The following KLHDC10 variants were observed in gnomAD, a reference collection of about 807,000 sequenced individuals.
KLHDC10 encodes kelch domain containing 10.
A neutral mutation model predicts 56.1 loss-of-function variants in KLHDC10; 24 were observed. The observed-to-expected ratio is 0.43, with a 90% confidence interval of 0.31 to 0.60. The LOEUF (loss-of-function observed/expected upper bound fraction) is 0.60, where lower values mean the gene tolerates loss of function less well. KLHDC10 is among the 20% of genes least tolerant of loss of function. KLHDC10 has a pLI of 0.11. For missense variants in KLHDC10, 349 were observed against 567.0 expected, an observed-to-expected ratio of 0.62 and a Z score of 3.91; for synonymous variants, 188 against 207.1, an observed-to-expected ratio of 0.91 and a Z score of 0.79.
rs555517415 is a variant in KLHDC10 at position 130,130,133 on chromosome 7, G to T, written c.1120-404G>T. Reference sequence around the variant, plus strand: ...AGATTGAGACCATCCTGGCTAACACGGATGAAACCCCATCTCTACTAAAAA... The same window carrying T: ...AGATTGAGACCATCCTGGCTAACACTGATGAAACCCCATCTCTACTAAAAA... On this transcript the variant is annotated intron_variant, in intron 9 of 9. Transcript: ENST00000335420. This position sits in a 1 kb window ranked among gnomAD's most constrained non-coding sequence, Gnocchi z 4.2. Among the ~76,000 whole-genome samples, 11 of 151,684 alleles carry T rather than the reference G, an allele frequency of 7.3e-5. No individual in the cohort carries two copies. Among genetic ancestry groups the T allele is most frequent in the Non-Finnish European group, 1.5e-4 (10 of 67,910 alleles).
At chr7:130,128,186 A>G (rs1182738832) in intron 8 of KLHDC10, among the ~76,000 whole-genome samples, 1 of 152,246 alleles carries the variant, frequency 6.6e-6, no homozygotes, top group Non-Finnish European at 1.5e-5. Flanking sequence ...AGATTTATAG[A>G]TAATGACATT....
chr7:130,116,785 G>A lies in KLHDC10; in HGVS notation c.475+119G>A. On this transcript the variant is annotated intron_variant, in intron 3 of 9. Coordinates refer to ENST00000335420, the MANE Select transcript of KLHDC10 (RefSeq NM_014997.4). This position sits in a 1 kb window ranked among gnomAD's most constrained non-coding sequence, Gnocchi z 4.8. ...ATAATGTGATTTCGCCCTGTGGGTG[G>A]ATAGGCTTTTTACTAGGGTAATAAC... is the stretch of plus-strand genomic sequence containing the variant. 1.2e-6 allele frequency: 1 copy of A among 826,394 alleles called. No individual in the cohort carries two copies. Among genetic ancestry groups the A allele is most frequent in the Non-Finnish European group, 2.0e-6 (1 of 511,166 alleles). 51.2% of individuals were successfully genotyped at this position (826,394 alleles called of 1,614,324 possible).
chr7:130,108,914 G>GCT (rs763734241), intron 2 of KLHDC10, among the ~76,000 whole-genome samples: 4 of 151,832 alleles, frequency 2.6e-5, no homozygotes, highest in South Asian at 4.2e-4. Context: ...ATGATGTCTT[G>GCT]CTCTCTCTCT....
Position 130,096,936 on chromosome 7 carries a change from G to A in KLHDC10, c.182G>A (p.Arg61Gln), listed in dbSNP as rs1470608333. ...GTGGTAACAGGTAAGAAGAAAATAC[G>A]ATGGGACCCAGTTAGGAGGCGCTTC... ...RPHLPGKKKIRWDPVRRRFIQ... is the reference protein window; with the variant it reads ...RPHLPGKKKIQWDPVRRRFIQ... Residue 61 changes from arginine (R) to glutamine (Q), a missense_variant, in exon 2 of 10, where the codon CGA becomes CAA. Around this residue, in one of 2 missense-constraint regions of KLHDC10, gnomAD observed 104 missense variants for 97.0 expected, o/e 1.07. Coordinates refer to ENST00000335420, the MANE Select transcript of KLHDC10 (RefSeq NM_014997.4). The A allele has an allele frequency of 6.2e-7, 1 of 1,610,816 alleles. No individual in the cohort carries two copies. Among genetic ancestry groups the A allele is most frequent in the Non-Finnish European group, 8.5e-7 (1 of 1,177,732 alleles).
At chr7:130,112,874 C>T (rs1418846871) in intron 2 of KLHDC10, among the ~76,000 whole-genome samples, 2 of 152,036 alleles carry the variant, frequency 1.3e-5, no homozygotes, top group African/African-American at 4.8e-5. Context: ...GTGTGATTTG[C>T]AGAGATCGTG....
intron 1 of KLHDC10, among the ~76,000 whole-genome samples, chr7:130,090,067 A>G (rs1311886808): frequency 6.6e-6 from 1 of 151,928 alleles, no homozygotes; most frequent in African/African-American, 2.4e-5. Flanking sequence ...TTTTTTTAGT[A>G]GAGACGGAGT....
intron 2 of KLHDC10, among the ~76,000 whole-genome samples, chr7:130,101,430 C>G (rs982892771): frequency 1.3e-5 from 2 of 152,236 alleles, no homozygotes; most frequent in Admixed American, 6.5e-5. Flanking sequence ...GGGCTCTTTT[C>G]TTAAACTCTA....
intron 1 of KLHDC10, among the ~76,000 whole-genome samples, chr7:130,073,003 G>T (rs1158930727): frequency 1.3e-5 from 2 of 152,012 alleles, no homozygotes; most frequent in African/African-American, 4.8e-5. Context: ...TGATTTGCCT[G>T]TCTCAGCCTC....
intron 6 of KLHDC10, 103 bp from the exon 7 acceptor site, chr7:130,125,762 A>G (rs867847045): frequency 1.1e-6 from 1 of 900,048 alleles, no homozygotes. Flanking sequence ...GTGAACTGAA[A>G]ACTGCTTTAA....
At chr7:130,077,564 T>C (rs930736982) in intron 1 of KLHDC10, among the ~76,000 whole-genome samples, 1 of 139,910 alleles carries the variant, frequency 7.1e-6, no homozygotes, top group African/African-American at 2.6e-5. Flanking sequence ...TCTTTTTTTT[T>C]TTTTTTTTTG....
intron 2 of KLHDC10, among the ~76,000 whole-genome samples, chr7:130,110,159 G>A (rs1299808291): frequency 6.6e-6 from 1 of 152,104 alleles, no homozygotes; most frequent in Non-Finnish European, 1.5e-5. Flanking sequence ...TTTTTGGCAG[G>A]ACTACCACTG....
intron 1 of KLHDC10, among the ~76,000 whole-genome samples, chr7:130,077,801 G>T (rs1042984457): frequency 6.6e-5 from 10 of 151,490 alleles, no homozygotes; most frequent in African/African-American, 2.4e-4. Context: ...GTGATCCACC[G>T]GCCTCGGCCT....
At chr7:130,082,454 G>A (rs1330767787) in intron 1 of KLHDC10, among the ~76,000 whole-genome samples, 1 of 152,176 alleles carries the variant, frequency 6.6e-6, no homozygotes, top group African/African-American at 2.4e-5. Flanking sequence ...TTAATACTGT[G>A]TAAATAATTA....
In KLHDC10 at chr7:130,081,045, C is replaced by G. The variant is rs187271810; in HGVS notation, c.166+10236C>G. Among the ~76,000 whole-genome samples, 873 of 143,428 alleles carry G rather than the reference C, an allele frequency of 6.1e-3. 4 individuals carry two copies. The highest frequency in any genetic ancestry group is 0.023 in the Middle Eastern group (6 of 260). The allele number at this position is 143,428 out of a possible 152,430, so 94.1% of individuals were successfully genotyped here. On this transcript the variant is annotated intron_variant, in intron 1 of 9. Transcript: ENST00000335420. ...ACGGAGTCTCGCTCTGTCACCCAGG[C>G]TGGAGTGCAGTGGCGTGATCTTGGC...
intron 1 of KLHDC10, among the ~76,000 whole-genome samples, chr7:130,078,853 G>T (rs574331361): frequency 6.6e-6 from 1 of 152,160 alleles, no homozygotes; most frequent in South Asian, 2.1e-4. Context: ...TCTTTATTTT[G>T]TTCAATTGAT....
chr7:130,103,583 C>G (rs1398253222), intron 2 of KLHDC10, among the ~76,000 whole-genome samples: 1 of 152,072 alleles, frequency 6.6e-6, no homozygotes, highest in Non-Finnish European at 1.5e-5. Context: ...TACATAGACT[C>G]AAAACTGAAA....
In KLHDC10 at chr7:130,127,272, G is replaced by A. The variant is rs949207611; in HGVS notation, c.932-132G>A. On this transcript the variant is annotated intron_variant, in intron 7 of 9. Coordinates refer to ENST00000335420, the MANE Select transcript of KLHDC10 (RefSeq NM_014997.4). ...AAATAAGGAGGGAGTGGAAGGACTAGTCAATGTTTGCTTAACATGTAACAA... is the reference window on the plus strand; with the variant it reads ...AAATAAGGAGGGAGTGGAAGGACTAATCAATGTTTGCTTAACATGTAACAA... 39 of 723,112 alleles carry A rather than the reference G, an allele frequency of 5.4e-5. 1 individual carries two copies. The East Asian group carries it at 9.7e-4, about 18-fold the overall frequency. 44.8% of individuals were successfully genotyped at this position (723,112 alleles called of 1,614,324 possible).
Position 130,130,248 on chromosome 7 carries a change from A to G in KLHDC10, c.1120-289A>G. Among the ~76,000 whole-genome samples, 1 of 150,862 alleles carries G rather than the reference A, an allele frequency of 6.6e-6. No homozygotes were observed. Among genetic ancestry groups the G allele is most frequent in the African/African-American group, 2.4e-5 (1 of 40,922 alleles). On this transcript the variant is annotated intron_variant, in intron 9 of 9. Coordinates refer to ENST00000335420, the MANE Select transcript of KLHDC10 (RefSeq NM_014997.4). This position sits in a 1 kb window ranked among gnomAD's most constrained non-coding sequence, Gnocchi z 4.2. ...AGCAGGAGAATGGCGTGAACCCGGG[A>G]GGCGGAGAGCTTGCAGTGAGCTGAA...
At chr7:130,126,184 G>A (rs1796313589) in intron 7 of KLHDC10, among the ~76,000 whole-genome samples, 1 of 152,112 alleles carries the variant, frequency 6.6e-6, no homozygotes, top group Admixed American at 6.5e-5. Flanking sequence ...TGGGCCTGGT[G>A]GTGTACACCT....
Sources: gnomAD v4.1 joint callset for allele counts (sites outside exome capture counted in the v4.1 genomes callset) on GRCh38, gnomAD v4.1.1 for gene constraint, gnomAD v4.1.1 regional missense constraint, Gnocchi (gnomAD v3.1) non-coding constraint, MANE v1.5 for transcripts, NCBI Gene and HGNC (gene_info 2026-07-23, HGNC 2026-07-21) for gene names.